Variants in BST1 observed in about 807,000 individuals in gnomAD.
BST1 encodes ADP-ribosyl cyclase/cyclic ADP-ribose hydrolase 2.
Under a neutral mutation model 40.6 loss-of-function variants are expected in BST1, and 49 were observed. The observed-to-expected ratio is 1.21, with a 90% CI of 0.96 to 1.53. The LOEUF (loss-of-function observed/expected upper bound fraction) is 1.53. Among genes scored for constraint, BST1 ranks in the 40% most tolerant of loss-of-function variants. BST1 has a pLI of 0.00. For missense variants in BST1, 423 were observed against 395.9 expected, an observed-to-expected ratio of 1.07 and a Z score of -0.58; for synonymous variants, 157 against 159.3, an observed-to-expected ratio of 0.99 and a Z score of 0.11.
At chr4:15,718,723 C>G (rs936304754) in intron 6 of BST1, among the ~76,000 whole-genome samples, 184 bp from the exon 7 acceptor site, 1 of 152,192 alleles carries the variant, frequency 6.6e-6, no homozygotes, top group South Asian at 2.1e-4. Context: ...CTCAGAGCAT[C>G]GTCTCTTGGG....
At chr4:15,719,741 T>C (rs1438829408) in intron 7 of BST1, among the ~76,000 whole-genome samples, 2 of 152,200 alleles carry the variant, frequency 1.3e-5, no homozygotes, top group African/African-American at 4.8e-5. Context: ...TTGATTATCC[T>C]GCTTCTCTGC....
At chr4:15,731,465 C>A in intron 8 of BST1, 1 of 857,364 alleles carries the variant, frequency 1.2e-6, no homozygotes. Context: ...TGGACTTAAG[C>A]CTGACGGTGC....
intron 4 of BST1, among the ~76,000 whole-genome samples, 192 bp downstream of exon 4, chr4:15,712,081 C>T: frequency 6.6e-6 from 1 of 152,226 alleles, no homozygotes; most frequent in East Asian, 1.9e-4. Context: ...ATACTTAATG[C>T]AGTGCCTGGC....
chr4:15,705,732 G>A, intron 2 of BST1, 91 bp downstream of exon 2: 1 of 1,490,838 alleles, frequency 6.7e-7, no homozygotes, highest in Non-Finnish European at 9.3e-7. Context: ...GCTGTCCCCT[G>A]CATCCTGCAA....
At chr4:15,703,989 GATGT>G (rs1361818832) in intron 1 of BST1, among the ~76,000 whole-genome samples, 3 of 142,850 alleles carry the variant, frequency 2.1e-5, no homozygotes, top group Non-Finnish European at 3.1e-5. Flanking sequence ...CTGGAGGTGA[GATGT>G]GTGTGTGTGT....
intron 8 of BST1, among the ~76,000 whole-genome samples, chr4:15,727,472 A>C (rs1721175736): frequency 6.6e-6 from 1 of 152,228 alleles, no homozygotes; most frequent in South Asian, 2.1e-4. Flanking sequence ...AGCTGTGAAT[A>C]GTCATAGATA....
chr4:15,713,634 G>A (rs993701464), intron 4 of BST1, among the ~76,000 whole-genome samples: 16 of 152,238 alleles, frequency 1.1e-4, no homozygotes, highest in African/African-American at 3.4e-4. Flanking sequence ...AACCAGGCAG[G>A]CTGGCTTGAG....
chr4:15,768,840 GA>G, the BST1 span, among the ~76,000 whole-genome samples: 6 of 151,762 alleles, frequency 4.0e-5, no homozygotes, highest in Non-Finnish European at 8.8e-5. Flanking sequence ...TTGGCTTGGG[GA>G]AAAAAAAGCC....
intron 8 of BST1, among the ~76,000 whole-genome samples, chr4:15,724,860 A>T (rs1721012494): frequency 6.6e-6 from 1 of 152,068 alleles, no homozygotes; most frequent in South Asian, 2.1e-4. Flanking sequence ...CTCTCTACCC[A>T]CTGTGGCCAA....
chr4:15,715,945 T>C, intron 6 of BST1, 146 bp downstream of exon 6: 2 of 586,140 alleles, frequency 3.4e-6, no homozygotes, highest in South Asian at 3.2e-5. Context: ...AGACAAAAGC[T>C]TGACTTTCTG....
At position 15,715,325 on chromosome 4, in the gene BST1, A is replaced by G. The variant is rs751309245; in HGVS notation, c.575A>G (p.Asn192Ser). ...DSSGVIHVML[N>S]GSEPTGAYPI... ...TCTGGGGTGATCCACGTCATGCTGA[A>G]TGGTTCAGAGCCAACAGGAGCCTAT... Residue 192 changes from asparagine to serine, a missense_variant, in exon 5 of 9, where the codon AAT (asparagine) becomes AGT (serine). Coordinates refer to ENST00000265016, the MANE Select transcript of BST1 (RefSeq NM_004334.3). 1.9e-6 allele frequency: 3 copies of G among 1,614,194 alleles called. No individual in the cohort carries two copies. The highest frequency in any genetic ancestry group is 2.2e-5 in the East Asian group (1 of 44,872).
intron 7 of BST1, among the ~76,000 whole-genome samples, chr4:15,720,390 G>A (rs990146899): frequency 2.0e-5 from 3 of 152,028 alleles, no homozygotes; most frequent in Admixed American, 1.3e-4. Flanking sequence ...AGGCCGAGGC[G>A]GGCGGATAAC....
At chr4:15,747,770 T>C in the BST1 span, among the ~76,000 whole-genome samples, 1 of 152,194 alleles carries the variant, frequency 6.6e-6, no homozygotes, top group Non-Finnish European at 1.5e-5. Flanking sequence ...CTTAGGCTCA[T>C]GTGATCTTCC....
intron 3 of BST1, among the ~76,000 whole-genome samples, chr4:15,709,527 G>T (rs1720070261): frequency 6.6e-6 from 1 of 152,182 alleles, no homozygotes; most frequent in African/African-American, 2.4e-5. Flanking sequence ...GTTTGATGAT[G>T]CTGCAGAGGG....
chr4:15,711,288 T>G (rs1720187718), intron 3 of BST1, among the ~76,000 whole-genome samples: 1 of 152,222 alleles, frequency 6.6e-6, no homozygotes, highest in South Asian at 2.1e-4. Context: ...CCTTAAACAT[T>G]GTAAAATGTA....
the BST1 span, among the ~76,000 whole-genome samples, chr4:15,767,702 T>G: frequency 2.6e-5 from 4 of 151,876 alleles, no homozygotes; most frequent in Admixed American, 6.6e-5. Flanking sequence ...ATTGTTTTTT[T>G]GGGGAAGGGG....
chr4:15,704,293 T>TAG (rs1719751561), intron 1 of BST1, among the ~76,000 whole-genome samples: 2 of 149,030 alleles, frequency 1.3e-5, no homozygotes, highest in Admixed American at 6.7e-5. Flanking sequence ...TGTGTGTGTG[T>TAG]TCTGGAGTTG....
chr4:15,722,808 A>C, intron 7 of BST1, 67 bp from the exon 8 acceptor site: 5 of 1,397,024 alleles, frequency 3.6e-6, no homozygotes, highest in South Asian at 3.5e-5. Flanking sequence ...CTTTTCAGGC[A>C]AGCCATAAAT....
At chr4:15,763,941 C>T in the BST1 span, among the ~76,000 whole-genome samples, 3 of 152,046 alleles carry the variant, frequency 2.0e-5, no homozygotes, top group African/African-American at 7.3e-5. Flanking sequence ...GATGAATGAG[C>T]AGTTAAACAA....
Sources: gnomAD v4.1 joint callset for allele counts (sites outside exome capture counted in the v4.1 genomes callset) on GRCh38, gnomAD v4.1.1 for gene constraint, MANE v1.5 for transcripts, NCBI Gene and HGNC (gene_info 2026-07-23, HGNC 2026-07-21) for gene names.